ADGRA3: variants seen among roughly 807,000 people sequenced by gnomAD.
ADGRA3 encodes the protein G-protein coupled receptor 125.
A neutral mutation model predicts 119.8 loss-of-function variants in ADGRA3; 56 were observed. That is an observed-to-expected ratio of 0.47 (90% CI 0.38 to 0.58). The LOEUF is 0.58. ADGRA3 is among the 20% of genes least tolerant of loss of function. ADGRA3 has a pLI of 0.00. For synonymous variants in ADGRA3, 607 were observed against 623.8 expected (o/e 0.97, Z 0.40); for missense variants, 1,516 against 1,649.0 (o/e 0.92, Z 1.40).
chr4:22,429,162 G>A (rs532111357), intron 10 of ADGRA3, among the ~76,000 whole-genome samples: 20 of 152,194 alleles, frequency 1.3e-4, no homozygotes, highest in Non-Finnish European at 2.5e-4. Flanking sequence ...GTGCTAATCT[G>A]TAAATATTAA....
In ADGRA3 at chr4:22,388,151, T is replaced by A; in HGVS notation, c.3520A>T (p.Asn1174Tyr). The A allele has an allele frequency of 6.2e-7, 1 of 1,614,098 alleles. No individual in the cohort carries two copies. Among genetic ancestry groups the A allele is most frequent in the East Asian group, 2.2e-5 (1 of 44,854 alleles). ...TNVHSSRHHKNRSKGHRASRL... is the reference protein window; with the variant it reads ...TNVHSSRHHKYRSKGHRASRL... ...CTTGCCCGGTGTCCTTTACTTCTGT[T>A]TTTATGGTGGCGGCTTGAGTGCACA... is the stretch of plus-strand genomic sequence containing the variant. Residue 1174 changes from asparagine (N) to tyrosine (Y), a missense_variant, in exon 19 of 19, where the codon AAC becomes TAC. Transcript: ENST00000334304.
intron 14 of ADGRA3, among the ~76,000 whole-genome samples, chr4:22,404,249 A>G (rs535958785): frequency 6.7e-6 from 1 of 149,924 alleles, no homozygotes; most frequent in South Asian, 2.1e-4. Flanking sequence ...AAGCTAGATT[A>G]AAAAAAAGAA....
chr4:22,510,355 C>T (rs1328371690), intron 1 of ADGRA3, among the ~76,000 whole-genome samples: 4 of 152,106 alleles, frequency 2.6e-5, no homozygotes, highest in African/African-American at 9.7e-5. Context: ...CTAGCTTAAT[C>T]TCTCAACACC....
At chr4:22,507,448 T>A (rs1719281864) in intron 1 of ADGRA3, among the ~76,000 whole-genome samples, 1 of 152,168 alleles carries the variant, frequency 6.6e-6, no homozygotes, top group African/African-American at 2.4e-5. Context: ...AGAAACTACA[T>A]CCCGTGTCAT....
At chr4:22,417,114 T>C (rs1281059843) in intron 12 of ADGRA3, among the ~76,000 whole-genome samples, 1 of 152,222 alleles carries the variant, frequency 6.6e-6, no homozygotes, top group Non-Finnish European at 1.5e-5. Flanking sequence ...TAATATCTCC[T>C]AATTATTTTC....
chr4:22,482,362 A>G (rs1276458813), intron 1 of ADGRA3, among the ~76,000 whole-genome samples: 2 of 152,106 alleles, frequency 1.3e-5, no homozygotes, highest in Non-Finnish European at 2.9e-5. Context: ...CTTCACCAGC[A>G]CCCTGTGATA....
rs16872655 is a variant in ADGRA3, at chr4:22,441,910, T to C, written c.920+740A>G. ...GAACCCCTGAGATTTGAATGTCAAC[T>C]CAGAACCTTTAGTTTTTCAGTAATC... On this transcript the variant is annotated intron_variant, in intron 7 of 18. Coordinates refer to ENST00000334304, the MANE Select transcript of ADGRA3 (RefSeq NM_145290.4). 9.8e-3 allele frequency among the ~76,000 whole-genome samples: 1,488 copies of C among 152,300 alleles called. 20 individuals are homozygous for C. The highest frequency in any genetic ancestry group is 0.034 in the African/African-American group (1,410 of 41,578).
intron 1 of ADGRA3, among the ~76,000 whole-genome samples, chr4:22,475,140 T>C (rs1001470812): frequency 1.3e-5 from 2 of 152,192 alleles, no homozygotes; most frequent in African/African-American, 4.8e-5. Context: ...ACTCCAGCTC[T>C]ATCCCTTTCA....
chr4:22,388,721 A>C lies in ADGRA3; in HGVS notation c.2950T>G (p.Ser984Ala). Residue 984 changes from serine (S) to alanine (A), a missense_variant, in exon 19 of 19, where the codon TCA becomes GCA. Ser to Ala is a moderately conservative substitution (Grantham distance 99). Coordinates refer to ENST00000334304, the MANE Select transcript of ADGRA3 (RefSeq NM_145290.4). ...DSMSLSLIST[S>A]ALENEHTFHS... ...AAAGTGTGCTCATTTTCCAAGGCTG[A>C]TGTAGAAATCAGAGACAAAGACATT... 1 of 1,614,102 alleles carries C rather than the reference A, an allele frequency of 6.2e-7. No homozygotes were observed. The highest frequency in any genetic ancestry group is 8.5e-7 in the Non-Finnish European group (1 of 1,179,980).
Position 22,388,688 on chromosome 4 carries a change from G to A in ADGRA3, c.2983C>T (p.Gln995Ter). ...ALENEHTFHS[Q>*]LLGASLTLLL... The stretch of plus-strand genomic sequence containing the variant: ...AAAGTAAGGCTGGCCCCCAAGAGCT[G>A]AGAATGAAAAGTGTGCTCATTTTCC... Residue 995 changes from glutamine to a stop codon, truncating the protein, a stop_gained, in exon 19 of 19, where the codon CAG (glutamine) becomes TAG (stop). Transcript: ENST00000334304. LOFTEE classifies it high-confidence loss of function. 6.2e-7 allele frequency: 1 copy of A among 1,614,066 alleles called. No homozygotes were observed. The highest frequency in any genetic ancestry group is 8.5e-7 in the Non-Finnish European group (1 of 1,179,990).
intron 12 of ADGRA3, 65 bp from the exon 13 acceptor site, chr4:22,413,879 T>C (rs985035921): frequency 8.9e-5 from 93 of 1,043,216 alleles, no homozygotes; most frequent in Non-Finnish European, 1.1e-4. Flanking sequence ...GAAAAAAATA[T>C]GTCAGATAGT....
Position 22,396,160 on chromosome 4 carries a change from C to T in ADGRA3, c.2482-3470G>A, listed in dbSNP as rs74355470. Reference sequence around the variant, plus strand: ...ACTTGAGTCAACGGCCCTTGCACTTCGTCACTCAACTTCTTAGTTCTCCTT... The same window carrying T: ...ACTTGAGTCAACGGCCCTTGCACTTTGTCACTCAACTTCTTAGTTCTCCTT... On this transcript the variant is annotated intron_variant, in intron 16 of 18. Coordinates refer to ENST00000334304, the MANE Select transcript of ADGRA3 (RefSeq NM_145290.4). Among the ~76,000 whole-genome samples the T allele has an allele frequency of 3.9e-5, 6 of 152,250 alleles. No homozygotes were observed. In the East Asian group the frequency reaches 5.8e-4, roughly 15 times the overall value.
chr4:22,414,799 T>C (rs1378107395), intron 12 of ADGRA3, among the ~76,000 whole-genome samples: 1 of 152,182 alleles, frequency 6.6e-6, no homozygotes, highest in Admixed American at 6.5e-5. Flanking sequence ...AGTTCTCCTA[T>C]ATTCTTTTTA....
In ADGRA3 at chr4:22,454,913, T is replaced by A. The variant is rs752422207; in HGVS notation, c.426A>T (p.Gly142=). ...CTCGAAATATGTCTGCATTCAGACATCCTATTCGATTGTTTGTCAGATCCC... is the reference window on the plus strand; with the variant it reads ...CTCGAAATATGTCTGCATTCAGACAACCTATTCGATTGTTTGTCAGATCCC... The part of the protein sequence containing the change: ...KRLDLTNNRI[G]CLNADIFRGL... The change falls in exon 4 of 19, where the codon GGA becomes GGT. Residue 142 remains glycine (G), a synonymous_variant. Transcript: ENST00000334304. 8.1e-6 allele frequency: 13 copies of A among 1,613,620 alleles called. No individual in the cohort carries two copies. In the South Asian group the frequency reaches 1.2e-4, roughly 15 times the overall value.
intron 17 of ADGRA3, among the ~76,000 whole-genome samples, chr4:22,390,057 C>T (rs1303405113): frequency 6.6e-6 from 1 of 151,884 alleles, no homozygotes; most frequent in Non-Finnish European, 1.5e-5. Flanking sequence ...AAACTAATTA[C>T]CCTATAAAAC....
intron 1 of ADGRA3, among the ~76,000 whole-genome samples, chr4:22,514,913 GCCCTC>G (rs1451822312): frequency 1.3e-5 from 2 of 152,134 alleles, no homozygotes; most frequent in African/African-American, 4.8e-5. Flanking sequence ...TTAAATATAA[GCCCTC>G]ACAGACACGA....
At chr4:22,504,780 A>G (rs944542047) in intron 1 of ADGRA3, among the ~76,000 whole-genome samples, 2 of 151,730 alleles carry the variant, frequency 1.3e-5, no homozygotes, top group Non-Finnish European at 2.9e-5. Context: ...ACTAGGATTA[A>G]CCCTTCAGGT....
At chr4:22,420,802 A>G (rs937623260) in intron 12 of ADGRA3, 84 bp downstream of exon 12, 5 of 1,346,554 alleles carry the variant, frequency 3.7e-6, no homozygotes, top group Admixed American at 3.7e-5. Context: ...AAATCTTTTA[A>G]TAAGGTTATT....
chr4:22,453,764 T>C (rs1010524393), intron 4 of ADGRA3, among the ~76,000 whole-genome samples: 2 of 152,202 alleles, frequency 1.3e-5, no homozygotes, highest in African/African-American at 4.8e-5. Context: ...TAAGCCCCTA[T>C]CTGCTTTTCA....
Sources: allele counts gnomAD v4.1 joint callset (sites outside exome capture counted in the v4.1 genomes callset), GRCh38; gene constraint gnomAD v4.1.1; transcripts MANE v1.5; gene names NCBI Gene and HGNC (gene_info 2026-07-23, HGNC 2026-07-21).